Variants in RIF1 observed in about 807,000 individuals in gnomAD.
RIF1 encodes replication timing regulatory factor 1, also known as telomere-associated protein RIF1.
Under a neutral mutation model 247.1 loss-of-function variants are expected in RIF1, and 45 were observed. That is an observed-to-expected ratio of 0.18 (90% CI 0.14 to 0.23). The LOEUF is 0.23. Ranked by LOEUF, RIF1 falls within the 10% of genes least tolerant of loss-of-function variation. RIF1 has a pLI of 1.00. For synonymous variants in RIF1, 1,087 were observed against 978.8 expected, an observed-to-expected ratio of 1.11 and a Z score of -2.06; for missense variants, 2,967 against 2,862.5, an observed-to-expected ratio of 1.04 and a Z score of -0.83.
rs1323269714 is a variant in RIF1 at position 151,424,849 on chromosome 2, T to C, written c.786+1807T>C. ...GATTTTTTTTTTTTTTTTTTTTTTT[T>C]TTTTTTTCCATATTTTTTGTAGAGA... On this transcript the variant is annotated intron_variant, in intron 8 of 35. Coordinates refer to ENST00000444746, the MANE Select transcript of RIF1 (RefSeq NM_018151.5). Among the ~76,000 whole-genome samples the C allele has an allele frequency of 8.2e-4, 113 of 138,190 alleles. 1 individual carries two copies. The East Asian group carries it at 0.014, about 17-fold the overall frequency. 90.7% of individuals were successfully genotyped at this position (138,190 alleles called of 152,430 possible).
rs1065177 is a variant in RIF1, at chr2:151,474,904, C to G, written c.7252C>G (p.Leu2418Val). The part of the protein sequence containing the change: ...ALEIPLSKNL[L>V]AQISALALQL... Reference sequence around the variant, plus strand: ...AGAAATTCCATTATCCAAAAACCTTCTGGCACAGATTAGTGCTCTTGCTCT... The same window carrying G: ...AGAAATTCCATTATCCAAAAACCTTGTGGCACAGATTAGTGCTCTTGCTCT... Residue 2418 changes from leucine (L) to valine (V), a missense_variant, in exon 36 of 36, where the codon CTG becomes GTG. Leu to Val is a conservative substitution (Grantham distance 32). Coordinates refer to ENST00000444746, the MANE Select transcript of RIF1 (RefSeq NM_018151.5). 0.72 allele frequency: 1,147,091 copies of G among 1,596,782 alleles called. 415,440 individuals are homozygous for G. The highest frequency in any genetic ancestry group is 0.8 in the East Asian group (35,602 of 44,714).
At chr2:151,450,077 G>T (rs1042420692) in intron 20 of RIF1, among the ~76,000 whole-genome samples, 5 of 152,040 alleles carry the variant, frequency 3.3e-5, no homozygotes, top group African/African-American at 7.2e-5. Context: ...CTGACCTCAG[G>T]TGATTCTGCC....
At chr2:151,445,299 A>G in intron 18 of RIF1, 39 bp from the exon 19 acceptor site, 1 of 1,112,528 alleles carries the variant, frequency 9.0e-7, no homozygotes, top group Non-Finnish European at 1.4e-6. Flanking sequence ...TTAGAATAAG[A>G]TGGTAATTTG....
intron 21 of RIF1, among the ~76,000 whole-genome samples, chr2:151,453,579 CAAAAAAAAAAAAA>C (rs59661470): frequency 4.1e-5 from 3 of 72,920 alleles, no homozygotes; most frequent in Non-Finnish European, 8.0e-5. Context: ...GACTCTGTCT[CAAAAAAAAAAAAA>C]AAAAAAAAAA....
At chr2:151,500,659 C>CAAT (rs1204393431) in intron 11 of RIF1, among the ~76,000 whole-genome samples, 2 of 143,338 alleles carry the variant, frequency 1.4e-5, no homozygotes, top group Non-Finnish European at 3.0e-5. Context: ...TACAGTGGCA[C>CAAT]AATCACGGCT....
chr2:151,492,841 G>C (rs751944054), intron 9 of RIF1: 17 of 190,466 alleles, frequency 8.9e-5, no homozygotes, highest in Non-Finnish European at 1.8e-4. Context: ...GAATTTGAAA[G>C]AACTGTCCTT....
chr2:151,497,162 C>CTGA, intron 10 of RIF1: 1 of 1,308,192 alleles, frequency 7.6e-7, no homozygotes, highest in Non-Finnish European at 1.0e-6. Context: ...AAGTTATATG[C>CTGA]TGACAAAATG....
At chr2:151,426,661 T>G (rs904623584) in intron 8 of RIF1, among the ~76,000 whole-genome samples, 1 of 150,734 alleles carries the variant, frequency 6.6e-6, no homozygotes, top group East Asian at 1.9e-4. Context: ...TATTTAGGGT[T>G]TTTTTTTTGT....
At chr2:151,511,500 A>C (rs1286613609), downstream of RIF1, among the ~76,000 whole-genome samples, 1 of 152,198 alleles carries the variant, frequency 6.6e-6, no homozygotes, top group Non-Finnish European at 1.5e-5. Flanking sequence ...TCCAGAGCCT[A>C]CCACAGATTT....
chr2:151,507,683 T>G, intron 13 of RIF1: 1 of 267,834 alleles, frequency 3.7e-6, no homozygotes. Flanking sequence ...GAAGCTTTTA[T>G]TGAATAAATT....
chr2:151,411,468 G>A (rs572014369), intron 3 of RIF1, 130 bp downstream of exon 3: 5 of 574,424 alleles, frequency 8.7e-6, no homozygotes, highest in African/African-American at 7.8e-5. Context: ...TCAGGCTCGG[G>A]CTCGGCTCAC....
In RIF1 at chr2:151,476,540, C is replaced by T. The variant is rs928109714; in HGVS notation, c.*1469C>T. ...CATAGAAAGTTTAATCCTTGTGCCTCCTTAGCTCTCGTATATTCAGGGATC... is the reference window on the plus strand; with the variant it reads ...CATAGAAAGTTTAATCCTTGTGCCTTCTTAGCTCTCGTATATTCAGGGATC... On this transcript the variant is annotated 3_prime_UTR_variant, in exon 36 of 36. Coordinates refer to ENST00000444746, the MANE Select transcript of RIF1 (RefSeq NM_018151.5). 1.3e-5 allele frequency: 2 copies of T among 152,082 alleles called. No homozygotes were observed. Among genetic ancestry groups the T allele is most frequent in the African/African-American group, 4.8e-5 (2 of 41,418 alleles). The allele number at this position is 152,082 out of a possible 1,614,324, so 9.4% of individuals were successfully genotyped here. A position where few individuals can be genotyped will look rare whatever the true frequency, so the allele number is the denominator to read the frequency against.
At chr2:151,460,236 G>C (rs1019719896) in intron 26 of RIF1, 117 bp downstream of exon 26, 7 of 767,442 alleles carry the variant, frequency 9.1e-6, no homozygotes, top group Non-Finnish European at 1.4e-5. Context: ...GGGATTGCAG[G>C]GGAATTGAGG....
downstream of RIF1, among the ~76,000 whole-genome samples, chr2:151,486,930 GT>G (rs1219986220): frequency 1.3e-5 from 2 of 151,994 alleles, no homozygotes; most frequent in African/African-American, 4.8e-5. Context: ...TTTGAATACA[GT>G]TTTTTTTATG....
intron 8 of RIF1, among the ~76,000 whole-genome samples, chr2:151,426,708 G>A (rs1412001111): frequency 6.6e-6 from 1 of 151,158 alleles, no homozygotes; most frequent in Admixed American, 6.6e-5. Flanking sequence ...TGTTGTCCTG[G>A]CTATATTGGC....
intron 15 of RIF1, among the ~76,000 whole-genome samples, chr2:151,441,655 C>A (rs1369506566): frequency 6.6e-6 from 1 of 152,174 alleles, no homozygotes; most frequent in African/African-American, 2.4e-5. Context: ...AGACTCTGAA[C>A]TGAAAATATT....
intron 6 of RIF1, 51 bp from the exon 7 acceptor site, chr2:151,420,139 A>C: frequency 6.6e-7 from 1 of 1,514,668 alleles, no homozygotes; most frequent in Non-Finnish European, 9.0e-7. Flanking sequence ...CTGCTTGTTT[A>C]GACTTAAAAC....
intron 22 of RIF1, among the ~76,000 whole-genome samples, chr2:151,455,867 A>G (rs1014024080): frequency 6.6e-6 from 1 of 152,160 alleles, no homozygotes; most frequent in African/African-American, 2.4e-5. Flanking sequence ...TCTACATGTG[A>G]TTCTGTTAAA....
At chr2:151,498,145 T>TAAG in intron 10 of RIF1, 1 of 1,529,184 alleles carries the variant, frequency 6.5e-7, no homozygotes, top group East Asian at 2.5e-5. Context: ...TTTTGTAATA[T>TAAG]AAGATGTATT....
Sources: gnomAD v4.1 joint callset for allele counts (sites outside exome capture counted in the v4.1 genomes callset) on GRCh38, gnomAD v4.1.1 for gene constraint, MANE v1.5 for transcripts, NCBI Gene and HGNC (gene_info 2026-07-23, HGNC 2026-07-21) for gene names.